Variants in SPEF2 observed in about 807,000 individuals in gnomAD.
The protein encoded by SPEF2 is sperm flagella and cilia-associated protein 2.
Under a neutral mutation model 224.6 loss-of-function variants are expected in SPEF2, and 187 were observed. The ratio of observed to expected loss-of-function variants is 0.83; its 90% confidence interval spans 0.74 to 0.94. The LOEUF (loss-of-function observed/expected upper bound fraction) is 0.94, where lower values mean the gene tolerates loss of function less well. Among genes scored for constraint, SPEF2 ranks in the 40% least tolerant of loss-of-function variants. The pLI, the probability that SPEF2 is intolerant of heterozygous loss-of-function variation, is 0.00. For synonymous variants in SPEF2, 715 were observed against 707.3 expected (o/e 1.01, Z -0.17); for missense variants, 2,170 against 2,135.6 (o/e 1.02, Z -0.32).
chr5:35,618,100 G>A (rs1288332592), intron 1 of SPEF2, 45 bp downstream of exon 1: 2 of 1,552,660 alleles, frequency 1.3e-6, no homozygotes, highest in Admixed American at 3.7e-5. Context: ...GGCTAGCGGG[G>A]CGCAGAGCCT....
At chr5:35,680,238 T>C (rs765739127) in intron 10 of SPEF2, among the ~76,000 whole-genome samples, 6 of 152,208 alleles carry the variant, frequency 3.9e-5, no homozygotes, top group African/African-American at 9.6e-5. Context: ...ATGCCTTAAT[T>C]TAACAGAGAT....
intron 21 of SPEF2, among the ~76,000 whole-genome samples, chr5:35,737,401 C>A (rs1202360654): frequency 2.2e-5 from 3 of 133,468 alleles, no homozygotes; most frequent in African/African-American, 8.4e-5. Flanking sequence ...ATGTAATGTT[C>A]CCCTTCCTGT....
intron 23 of SPEF2, among the ~76,000 whole-genome samples, chr5:35,744,849 C>T (rs981706419): frequency 6.6e-6 from 1 of 152,124 alleles, no homozygotes; most frequent in Non-Finnish European, 1.5e-5. Context: ...TGGAGGCTTG[C>T]ACTGTGAATT....
intron 8 of SPEF2, among the ~76,000 whole-genome samples, chr5:35,666,459 T>C (rs1301866693): frequency 6.6e-6 from 1 of 150,706 alleles, no homozygotes; most frequent in African/African-American, 2.4e-5. Flanking sequence ...TCTACATAAA[T>C]AGATGTTCCT....
intron 5 of SPEF2, among the ~76,000 whole-genome samples, chr5:35,647,649 C>G (rs907744320): frequency 6.6e-6 from 1 of 152,088 alleles, no homozygotes; most frequent in Non-Finnish European, 1.5e-5. Flanking sequence ...GACAATCATC[C>G]AAACCATAGC....
chr5:35,730,114 G>C (rs1745388184), intron 21 of SPEF2, among the ~76,000 whole-genome samples: 2 of 152,180 alleles, frequency 1.3e-5, no homozygotes, highest in African/African-American at 4.8e-5. Flanking sequence ...CCTGTTTCCA[G>C]ACCTTCTAAG....
chr5:35,713,024 G>C, intron 20 of SPEF2, 138 bp downstream of exon 20: 1 of 794,404 alleles, frequency 1.3e-6, no homozygotes, highest in Non-Finnish European at 1.9e-6. Flanking sequence ...CCTTGCCAAA[G>C]AATATAGTCG....
chr5:35,708,370 A>G (rs1164632460), intron 18 of SPEF2, among the ~76,000 whole-genome samples: 1 of 151,762 alleles, frequency 6.6e-6, no homozygotes, highest in African/African-American at 2.4e-5. Flanking sequence ...ACACTTGTTC[A>G]CTTTGCTTTC....
intron 20 of SPEF2, among the ~76,000 whole-genome samples, chr5:35,715,074 C>A (rs969042834): frequency 2.6e-5 from 4 of 151,916 alleles, no homozygotes; most frequent in Non-Finnish European, 4.4e-5. Context: ...TGCCACCACG[C>A]CTGGCTAATT....
chr5:35,789,141 C>A, intron 30 of SPEF2: 1 of 702,822 alleles, frequency 1.4e-6, no homozygotes, highest in South Asian at 1.5e-5. Context: ...CTATGTTGTT[C>A]CCAACCTGTG....
At chr5:35,771,166 A>T (rs528698051) in intron 26 of SPEF2, among the ~76,000 whole-genome samples, 1 of 152,184 alleles carries the variant, frequency 6.6e-6, no homozygotes, top group East Asian at 1.9e-4. Flanking sequence ...AAAATAAAAA[A>T]AAAACTCTGT....
intron 1 of SPEF2, among the ~76,000 whole-genome samples, chr5:35,619,449 GA>G (rs1054508687): frequency 6.6e-6 from 1 of 152,146 alleles, no homozygotes; most frequent in African/African-American, 2.4e-5. Flanking sequence ...TTGGGAGGCC[GA>G]GGTGGGCAGA....
At chr5:35,675,591 C>A in intron 10 of SPEF2, 1 of 159,670 alleles carries the variant, frequency 6.3e-6, no homozygotes, top group Non-Finnish European at 1.4e-5. Context: ...CCCAGGCTGA[C>A]GTGCAGTGGC....
chr5:35,776,208 T>C (rs2149792874), intron 28 of SPEF2, 49 bp from the exon 29 acceptor site: 1 of 1,560,232 alleles, frequency 6.4e-7, no homozygotes, highest in Admixed American at 2.0e-5. Context: ...CATTAGTAAA[T>C]GCATGCACTG....
chr5:35,671,273 A>T, intron 10 of SPEF2: 1 of 975,238 alleles, frequency 1.0e-6, no homozygotes, highest in Non-Finnish European at 1.2e-6. Context: ...TAACAAGTAA[A>T]TATTACAAGA....
chr5:35,643,560 TG>T (rs952030927), intron 3 of SPEF2: 28 of 455,580 alleles, frequency 6.1e-5, no homozygotes, highest in African/African-American at 5.4e-4. Context: ...GAGATGAAAA[TG>T]GTACAAGGAC....
intron 1 of SPEF2, among the ~76,000 whole-genome samples, chr5:35,627,058 G>A (rs1004645229): frequency 1.5e-4 from 23 of 151,080 alleles, no homozygotes; most frequent in Non-Finnish European, 2.8e-4. Context: ...TATTTTAACC[G>A]ATGTTAAAAT....
At chr5:35,789,526 C>T in intron 30 of SPEF2, 1 of 652,392 alleles carries the variant, frequency 1.5e-6, no homozygotes, top group Non-Finnish European at 2.7e-6. Flanking sequence ...ATGGTGGATT[C>T]AGCCACACAC....
In SPEF2 at chr5:35,807,234, A is replaced by T. The variant is rs750620588; in HGVS notation, c.5360A>T (p.Tyr1787Phe). Residue 1787 changes from tyrosine to phenylalanine, a missense_variant, in exon 36 of 37, where the codon TAT (tyrosine) becomes TTT (phenylalanine). Tyr to Phe is a conservative substitution (Grantham distance 22). Coordinates refer to ENST00000356031, the MANE Select transcript of SPEF2 (RefSeq NM_024867.4). ...TTTATTCAAGACCTGATTTCAAATT[A>T]TTCAGACTATAAGTTTCCTGTGAGT... ...HPFIQDLISNYSDYKFPDIKI... is the reference protein window; with the variant it reads ...HPFIQDLISNFSDYKFPDIKI... 1 of 1,613,166 alleles carries T rather than the reference A, an allele frequency of 6.2e-7. No individual in the cohort carries two copies. The highest frequency in any genetic ancestry group is 1.1e-5 in the South Asian group (1 of 90,720).
Sources: gnomAD v4.1 joint callset for allele counts (sites outside exome capture counted in the v4.1 genomes callset) on GRCh38, gnomAD v4.1.1 for gene constraint, MANE v1.5 for transcripts, NCBI Gene and HGNC (gene_info 2026-07-23, HGNC 2026-07-21) for gene names.